The following PTPN11 variants were observed in gnomAD, a reference collection of about 807,000 sequenced individuals.
PTPN11 encodes tyrosine-protein phosphatase non-receptor type 11.
Under a neutral mutation model 78.8 loss-of-function variants are expected in PTPN11, and 6 were observed. The ratio of observed to expected loss-of-function variants is 0.08; its 90% CI spans 0.04 to 0.15. The LOEUF (loss-of-function observed/expected upper bound fraction) is 0.15. PTPN11 is among the 10% of genes least tolerant of loss of function. The pLI, the probability that PTPN11 is intolerant of heterozygous loss-of-function variation, is 1.00. For synonymous variants in PTPN11, 221 were observed against 263.5 expected, an observed-to-expected ratio of 0.84 and a Z score of 1.56; for missense variants, 386 against 744.8, an observed-to-expected ratio of 0.52 and a Z score of 5.61.
chr12:112,423,341 A>G (rs979294122), intron 1 of PTPN11, among the ~76,000 whole-genome samples: 1 of 152,050 alleles, frequency 6.6e-6, no homozygotes, highest in African/African-American at 2.4e-5. Flanking sequence ...GCTGGAGTGC[A>G]GTGATACAAT....
chr12:112,438,964 A>G (rs934111357), intron 1 of PTPN11, among the ~76,000 whole-genome samples: 1 of 152,106 alleles, frequency 6.6e-6, no homozygotes, highest in Non-Finnish European at 1.5e-5. Flanking sequence ...TGAAGGATGT[A>G]TGGGGAGAGA....
intron 7 of PTPN11, among the ~76,000 whole-genome samples, chr12:112,473,659 C>T (rs2038453736): frequency 6.6e-6 from 1 of 152,018 alleles, no homozygotes; most frequent in Non-Finnish European, 1.5e-5. Context: ...CCAGCCTGGC[C>T]AACATGGTGA....
intron 13 of PTPN11, among the ~76,000 whole-genome samples, chr12:112,498,669 G>A (rs572431245): frequency 6.6e-6 from 1 of 152,300 alleles, no homozygotes; most frequent in East Asian, 1.9e-4. Flanking sequence ...GTGCTGTGAC[G>A]TTGAATTTGG....
At chr12:112,486,342 G>A (rs2038675213) in intron 10 of PTPN11, 133 bp from the exon 11 acceptor site, 10 of 950,106 alleles carry the variant, frequency 1.1e-5, no homozygotes, top group East Asian at 2.6e-5. Context: ...GGAACCTCAC[G>A]AAGAGGACCT....
At chr12:112,488,141 A>G (rs2038703031) in intron 11 of PTPN11, among the ~76,000 whole-genome samples, 1 of 151,968 alleles carries the variant, frequency 6.6e-6, no homozygotes, top group Non-Finnish European at 1.5e-5. Context: ...ATTCTGTCCA[A>G]CCAGCACTCT....
At position 112,446,405 on chromosome 12, in the gene PTPN11, T is replaced by G. The variant is rs773169250; in HGVS notation, c.137+7T>G. 10 of 1,614,088 alleles carry G rather than the reference T, an allele frequency of 6.2e-6. No homozygotes were observed. Among genetic ancestry groups the G allele is most frequent in the Non-Finnish European group, 8.5e-6 (10 of 1,180,002 alleles). ...ACTTCACACTTTCCGTTAGGTAAGT[T>G]GGAATGAAAAGAGAGGATCCTGAGA... On this transcript the variant is annotated splice_region_variant and intron_variant, in intron 2 of 15. Transcript: ENST00000351677.
intron 13 of PTPN11, among the ~76,000 whole-genome samples, chr12:112,500,105 G>A (rs1033787604): frequency 9.2e-5 from 14 of 151,972 alleles, no homozygotes; most frequent in Middle Eastern, 3.2e-3. Flanking sequence ...TAAGCTGGGT[G>A]TTGTGGTGCA....
intron 10 of PTPN11, 90 bp from the exon 11 acceptor site, chr12:112,486,385 C>A: frequency 7.6e-7 from 1 of 1,323,884 alleles, no homozygotes; most frequent in Non-Finnish European, 1.1e-6. Flanking sequence ...CTCTTCCTCT[C>A]CATTGGATTT....
intron 1 of PTPN11, among the ~76,000 whole-genome samples, chr12:112,432,528 G>T (rs1465630489): frequency 6.6e-6 from 1 of 151,990 alleles, no homozygotes; most frequent in East Asian, 1.9e-4. Context: ...AATTAGCCAG[G>T]CATGGTGGCG....
chr12:112,444,276 G>C (rs895254063), intron 1 of PTPN11, among the ~76,000 whole-genome samples: 1 of 151,930 alleles, frequency 6.6e-6, no homozygotes, highest in Non-Finnish European at 1.5e-5. Context: ...ATTTGAATCC[G>C]TGTTTTCAAT....
intron 13 of PTPN11, 140 bp from the exon 14 acceptor site, chr12:112,502,004 T>G (rs989673124): frequency 3.0e-5 from 21 of 691,694 alleles, no homozygotes; most frequent in Non-Finnish European, 5.0e-5. Context: ...ATTTGGTCAA[T>G]GTATCAGTAT....
intron 6 of PTPN11, among the ~76,000 whole-genome samples, chr12:112,467,154 A>G (rs528093169): frequency 2.0e-4 from 31 of 152,292 alleles, no homozygotes; most frequent in Admixed American, 1.1e-3. Flanking sequence ...CCTCCACAGT[A>G]GTGGAGTAGT....
chr12:112,450,923 T>A (rs545895477), intron 3 of PTPN11, among the ~76,000 whole-genome samples: 73 of 152,310 alleles, frequency 4.8e-4, no homozygotes, highest in Admixed American at 1.6e-3. Flanking sequence ...AGATGTCAGT[T>A]TAAGCTCAGA....
intron 13 of PTPN11, among the ~76,000 whole-genome samples, chr12:112,495,131 C>G (rs1345905652): frequency 6.6e-6 from 1 of 152,136 alleles, no homozygotes; most frequent in Non-Finnish European, 1.5e-5. Flanking sequence ...TCCACTTTCC[C>G]CTGAAGTTAA....
intron 2 of PTPN11, among the ~76,000 whole-genome samples, chr12:112,447,670 T>G (rs1021332761): frequency 6.6e-6 from 1 of 151,818 alleles, no homozygotes; most frequent in Non-Finnish European, 1.5e-5. Flanking sequence ...CAGCTAATTT[T>G]TGTATTTTTA....
chr12:112,492,710 G>A (rs1248149264), intron 13 of PTPN11, among the ~76,000 whole-genome samples: 2 of 151,752 alleles, frequency 1.3e-5, no homozygotes, highest in Non-Finnish European at 2.9e-5. Flanking sequence ...GTAGAGACGG[G>A]GTCTCACCGT....
At chr12:112,489,601 A>T (rs1279403096) in intron 13 of PTPN11, among the ~76,000 whole-genome samples, 2 of 152,234 alleles carry the variant, frequency 1.3e-5, no homozygotes, top group Non-Finnish European at 2.9e-5. Flanking sequence ...AATTTGGTCG[A>T]GTTGGAAACA....
chr12:112,468,157 G>GC (rs1245357634), intron 6 of PTPN11, among the ~76,000 whole-genome samples: 2 of 152,048 alleles, frequency 1.3e-5, no homozygotes, highest in African/African-American at 4.8e-5. Context: ...CCTTTTTGCT[G>GC]CCTGCCCCAA....
rs397507543 is a variant in PTPN11, at chr12:112,489,078, G to A, written c.1502G>A (p.Arg501Lys). Residue 501 changes from arginine to lysine, a missense_variant, in exon 13 of 16, where the codon AGG becomes AAG. Arg to Lys is a conservative substitution (Grantham distance 26). Transcript: ENST00000351677. ...ACCATCCAGATGGTGCGGTCTCAGA[G>A]GTCAGGGATGGTCCAGACAGAAGCA... ...PKTIQMVRSQ[R>K]SGMVQTEAQY... The A allele has an allele frequency of 1.9e-6, 3 of 1,614,178 alleles. No individual in the cohort carries two copies. Among genetic ancestry groups the A allele is most frequent in the Non-Finnish European group, 2.5e-6 (3 of 1,180,038 alleles).
Sources: gnomAD v4.1 joint callset for allele counts (sites outside exome capture counted in the v4.1 genomes callset) on GRCh38, gnomAD v4.1.1 for gene constraint, MANE v1.5 for transcripts, NCBI Gene and HGNC (gene_info 2026-07-23, HGNC 2026-07-21) for gene names.